ZNF254: variants seen among roughly 807,000 people sequenced by gnomAD.
The protein encoded by ZNF254 is zinc finger protein 254.
In ZNF254, 10 loss-of-function variants were observed where a neutral mutation model predicts 12.4. That is an observed-to-expected ratio of 0.80 (90% CI 0.50 to 1.36). The LOEUF (loss-of-function observed/expected upper bound fraction) is 1.36. ZNF254 is among the 40% of genes most tolerant of loss of function. The pLI, the probability that ZNF254 is intolerant of heterozygous loss-of-function variation, is 0.00. For missense variants in ZNF254, 996 were observed against 763.9 expected (o/e 1.30, Z -3.58); for synonymous variants, 305 against 253.4 (o/e 1.20, Z -1.93).
At chr19:24,043,903 T>C (rs1470375226) in intron 1 of ZNF254, among the ~76,000 whole-genome samples, 2 of 152,170 alleles carry the variant, frequency 1.3e-5, no homozygotes, top group African/African-American at 2.4e-5. Flanking sequence ...TATTGGCTCA[T>C]AAGTCCTTTT....
intron 3 of ZNF254, among the ~76,000 whole-genome samples, chr19:24,122,020 A>ATCAAG: frequency 1.3e-5 from 2 of 152,168 alleles, no homozygotes; most frequent in South Asian, 4.1e-4. Flanking sequence ...TTGGATTTGA[A>ATCAAG]TATAATTTAA....
At chr19:24,113,471 A>G (rs951898582) in intron 3 of ZNF254, among the ~76,000 whole-genome samples, 1 of 152,226 alleles carries the variant, frequency 6.6e-6, no homozygotes, top group African/African-American at 2.4e-5. Context: ...AAGGCCTTTG[A>G]CAAAATTCAA....
chr19:24,094,833 C>A (rs1972582030), intron 1 of ZNF254, among the ~76,000 whole-genome samples: 2 of 152,094 alleles, frequency 1.3e-5, no homozygotes, highest in Non-Finnish European at 2.9e-5. Context: ...ATTACAGGCA[C>A]CTGCCATCAC....
intron 2 of ZNF254, among the ~76,000 whole-genome samples, chr19:24,077,692 C>G (rs1448374301): frequency 6.6e-6 from 1 of 151,964 alleles, no homozygotes; most frequent in Non-Finnish European, 1.5e-5. Flanking sequence ...ATAGGGTGAC[C>G]CAAGGTGGCC....
At chr19:24,048,582 C>T (rs576945569) in intron 2 of ZNF254, among the ~76,000 whole-genome samples, 6 of 152,342 alleles carry the variant, frequency 3.9e-5, no homozygotes, top group African/African-American at 1.2e-4. Context: ...CCATTTTGGC[C>T]TCCCAAATAG....
intron 1 of ZNF254, among the ~76,000 whole-genome samples, chr19:24,101,369 G>A (rs571656370): frequency 1.3e-5 from 2 of 152,286 alleles, no homozygotes; most frequent in East Asian, 3.9e-4. Flanking sequence ...TTTCTGCATT[G>A]TGAGATGTCA....
At chr19:24,071,487 G>A (rs561135082) in intron 2 of ZNF254, among the ~76,000 whole-genome samples, 143 of 152,262 alleles carry the variant, frequency 9.4e-4, no homozygotes, top group African/African-American at 3.3e-3. Context: ...GGTGATTGTG[G>A]CGTATAACTA....
At chr19:24,100,899 C>T (rs559232022) in intron 1 of ZNF254, among the ~76,000 whole-genome samples, 1 of 149,364 alleles carries the variant, frequency 6.7e-6, no homozygotes, top group Admixed American at 6.7e-5. Context: ...TTGATCTTGG[C>T]TCACTGCAAC....
intron 3 of ZNF254, among the ~76,000 whole-genome samples, chr19:24,121,401 TTG>T (rs1974473198): frequency 6.6e-6 from 1 of 152,202 alleles, no homozygotes; most frequent in African/African-American, 2.4e-5. Flanking sequence ...CATCTGATAT[TTG>T]TGTTTTGATT....
chr19:24,036,636 A>G (rs1969977896), intron 1 of ZNF254, among the ~76,000 whole-genome samples: 1 of 152,150 alleles, frequency 6.6e-6, no homozygotes. Flanking sequence ...TGTTGTCAGA[A>G]AAAGAATATC....
intron 3 of ZNF254, among the ~76,000 whole-genome samples, chr19:24,115,594 C>T (rs1031869082): frequency 6.6e-6 from 1 of 151,868 alleles, no homozygotes; most frequent in Non-Finnish European, 1.5e-5. Flanking sequence ...TTAATGGGTG[C>T]AGCACACCAG....
upstream of ZNF254, among the ~76,000 whole-genome samples, chr19:24,086,720 G>T (rs927097312): frequency 1.3e-5 from 2 of 151,920 alleles, no homozygotes; most frequent in African/African-American, 4.8e-5. Flanking sequence ...AATGTGATCC[G>T]CCCGCCTTGG....
intron 3 of ZNF254, among the ~76,000 whole-genome samples, chr19:24,108,320 A>G (rs1973462371): frequency 6.6e-6 from 1 of 152,166 alleles, no homozygotes; most frequent in Non-Finnish European, 1.5e-5. Flanking sequence ...TTTACAGAGT[A>G]AGTTTAAAAT....
chr19:24,057,503 A>G (rs571794905), intron 2 of ZNF254, among the ~76,000 whole-genome samples: 2 of 152,324 alleles, frequency 1.3e-5, no homozygotes, highest in Admixed American at 6.5e-5. Context: ...CTCTCATGGG[A>G]ACCTTATAAA....
At chr19:24,036,230 A>AT (rs58426877) in intron 1 of ZNF254, among the ~76,000 whole-genome samples, 191 of 146,884 alleles carry the variant, frequency 1.3e-3, no homozygotes, top group African/African-American at 3.6e-3. Flanking sequence ...GCTCGGCTAA[A>AT]TTTTTTTTTT....
chr19:24,099,880 G>T (rs989576725), intron 1 of ZNF254, among the ~76,000 whole-genome samples: 4 of 152,118 alleles, frequency 2.6e-5, no homozygotes, highest in African/African-American at 7.2e-5. Flanking sequence ...GGGCTGAAGA[G>T]AATTTTTAAA....
chr19:24,087,082 A>T (rs1050292946), upstream of ZNF254: 2 of 515,952 alleles, frequency 3.9e-6, no homozygotes, highest in African/African-American at 2.0e-5. Context: ...TCAGGGTCTG[A>T]GTAGGCGGGG....
chr19:24,043,984 T>TA (rs1361365303), intron 1 of ZNF254, among the ~76,000 whole-genome samples: 5 of 152,134 alleles, frequency 3.3e-5, no homozygotes, highest in Admixed American at 3.3e-4. Context: ...CTCACGCCTG[T>TA]AATCTCAGCC....
chr19:24,055,286 T>C (rs997617642), intron 2 of ZNF254, among the ~76,000 whole-genome samples: 2 of 151,486 alleles, frequency 1.3e-5, no homozygotes, highest in African/African-American at 4.8e-5. Flanking sequence ...TTTCTTTTTC[T>C]TTTTTTCTTT....
Sources: allele counts gnomAD v4.1 joint callset (sites outside exome capture counted in the v4.1 genomes callset), GRCh38; gene constraint gnomAD v4.1.1; transcripts MANE v1.5; gene names NCBI Gene and HGNC (gene_info 2026-07-23, HGNC 2026-07-21).